Variants in ZNF493 observed in about 807,000 individuals in gnomAD.
ZNF493 encodes zinc finger protein 493.
In ZNF493, 11 loss-of-function variants were observed where a neutral mutation model predicts 12.2. The observed-to-expected ratio is 0.90, with a 90% CI of 0.57 to 1.50. The LOEUF (loss-of-function observed/expected upper bound fraction) is 1.50. Ranked by LOEUF, ZNF493 falls within the 40% of genes most tolerant of loss-of-function variation. The pLI, the probability that ZNF493 is intolerant of heterozygous loss-of-function variation, is 0.00. For missense variants in ZNF493, 950 were observed against 906.6 expected (o/e 1.05, Z -0.61); for synonymous variants, 286 against 302.6 (o/e 0.95, Z 0.57).
At chr19:21,416,921 T>G (rs1205885276) in intron 3 of ZNF493, among the ~76,000 whole-genome samples, 1 of 152,230 alleles carries the variant, frequency 6.6e-6, no homozygotes, top group Non-Finnish European at 1.5e-5. Flanking sequence ...AGACTGCTGT[T>G]GGGAACTTTA....
chr19:21,413,134 C>T, intron 3 of ZNF493: 1 of 294,258 alleles, frequency 3.4e-6, no homozygotes, highest in South Asian at 3.0e-5. Flanking sequence ...AGCACCTCTG[C>T]CTGTTCTGCA....
chr19:21,411,230 G>T (rs919982313), intron 3 of ZNF493, among the ~76,000 whole-genome samples: 1 of 152,128 alleles, frequency 6.6e-6, no homozygotes, highest in Non-Finnish European at 1.5e-5. Context: ...TGGCAACTTT[G>T]CAAAAGATCA....
Position 21,423,176 on chromosome 19 carries a change from A to G in ZNF493, c.517A>G (p.Asn173Asp), listed in dbSNP as rs11878540. 1 of 1,613,764 alleles carries G rather than the reference A, an allele frequency of 6.2e-7. No homozygotes were observed. The highest frequency in any genetic ancestry group is 1.3e-5 in the African/African-American group (1 of 75,040). ...TAAACTTTTAAATTCAAATAGACAT[A>G]ACACAAAACATACTGGAAAGAAACC... is the stretch of plus-strand genomic sequence containing the variant. The part of the protein sequence containing the change: ...FHKLLNSNRH[N>D]TKHTGKKPFK... Residue 173 changes from asparagine to aspartate, a missense_variant, in exon 4 of 4, where the codon AAC becomes GAC. Transcript: ENST00000392288.
At chr19:21,421,057 C>A (rs2030663349) in intron 3 of ZNF493, among the ~76,000 whole-genome samples, 1 of 152,032 alleles carries the variant, frequency 6.6e-6, no homozygotes, top group African/African-American at 2.4e-5. Flanking sequence ...CAACACATCA[C>A]TTTTATGTTG....
intron 1 of ZNF493, chr19:21,398,704 G>T: frequency 3.4e-6 from 1 of 290,968 alleles, no homozygotes. Flanking sequence ...TTTTGAAACG[G>T]GTAACCCTTT....
intron 3 of ZNF493, chr19:21,407,672 T>C (rs1053387375): frequency 2.1e-6 from 2 of 969,440 alleles, no homozygotes; most frequent in African/African-American, 3.5e-5. Context: ...ATGTTAATTT[T>C]ATATTTTGTT....
chr19:21,423,927 A>G lies in ZNF493; in HGVS notation c.1268A>G (p.His423Arg), dbSNP rs1358188886. 4 of 1,613,444 alleles carry G rather than the reference A, an allele frequency of 2.5e-6. No homozygotes were observed. The highest frequency in any genetic ancestry group is 3.4e-6 in the Non-Finnish European group (4 of 1,179,604). ...AYKESSHLTT[H>R]KRIHTGEKPY... ...AAGGAGTCTTCACACCTTACTACAC[A>G]TAAAAGAATTCATACTGGAGAGAAA... The change falls in exon 4 of 4, where the codon CAT (histidine) becomes CGT (arginine). Residue 423 changes from histidine (H) to arginine (R), a missense_variant. Physicochemically the swap from His to Arg is conservative, Grantham distance 29. Transcript: ENST00000392288.
chr19:21,418,265 T>C (rs2030552749), intron 3 of ZNF493, among the ~76,000 whole-genome samples: 1 of 152,200 alleles, frequency 6.6e-6, no homozygotes, highest in African/African-American at 2.4e-5. Context: ...TAGCTTTCAC[T>C]GGCAAATAAA....
intron 1 of ZNF493, chr19:21,397,976 T>A (rs76614290): frequency 6.6e-6 from 1 of 150,452 alleles, no homozygotes; most frequent in Admixed American, 6.6e-5. Flanking sequence ...CTGAGTTAGA[T>A]TTTTTTTTTA....
At chr19:21,412,494 T>G (rs1256670256) in intron 3 of ZNF493, 1 of 151,438 alleles carries the variant, frequency 6.6e-6, no homozygotes, top group African/African-American at 2.5e-5. Flanking sequence ...GGGGCCAGTT[T>G]ATGGCCAGAT....
At chr19:21,415,477 A>G (rs2030459343) in intron 3 of ZNF493, among the ~76,000 whole-genome samples, 1 of 152,144 alleles carries the variant, frequency 6.6e-6, no homozygotes, top group East Asian at 1.9e-4. Flanking sequence ...GTCATTTACT[A>G]GGGTCCCCAA....
Position 21,405,133 on chromosome 19 carries a change from C to T in ZNF493, c.35C>T (p.Pro12Leu), listed in dbSNP as rs766646721. ...GTTTGTGTGTGTTTGTTTCAGGGGC[C>T]GTTGACATTTAGGGATGTGGCCATA... The part of the protein sequence containing the change: ...PGPPESLDMG[P>L]LTFRDVAIEF... The change falls in exon 2 of 4, where the codon CCG (proline) becomes CTG (leucine). Residue 12 changes from proline (P) to leucine (L), a missense_variant. Transcript: ENST00000392288. 10 of 1,612,582 alleles carry T rather than the reference C, an allele frequency of 6.2e-6. No homozygotes were observed. The highest frequency in any genetic ancestry group is 2.7e-5 in the African/African-American group (2 of 74,662).
In ZNF493 at chr19:21,422,895, T is replaced by C; in HGVS notation, c.254-18T>C. ...GAGTCTAGTAAGTGGAGTAATTTGA[T>C]ATTTTTATTTCTTTCAGTTATATGT... On this transcript the variant is annotated intron_variant, in intron 3 of 3. Coordinates refer to ENST00000392288, the MANE Select transcript of ZNF493 (RefSeq NM_001076678.3). 2 of 1,523,542 alleles carry C rather than the reference T, an allele frequency of 1.3e-6. No homozygotes were observed. Among genetic ancestry groups the C allele is most frequent in the Non-Finnish European group, 1.8e-6 (2 of 1,140,800 alleles). 94.4% of individuals were successfully genotyped at this position (1,523,542 alleles called of 1,614,324 possible).
In ZNF493 at chr19:21,425,065, A is replaced by G; in HGVS notation, c.*81A>G. ...GCTTTTCACCAGTACTTTACCCTTA[A>G]TACACATAAGATAATTAATGCTGGA... On this transcript the variant is annotated 3_prime_UTR_variant, in exon 4 of 4. Coordinates refer to ENST00000392288, the MANE Select transcript of ZNF493 (RefSeq NM_001076678.3). 1.4e-6 allele frequency: 2 copies of G among 1,436,168 alleles called. No individual in the cohort carries two copies. Among genetic ancestry groups the G allele is most frequent in the Non-Finnish European group, 9.6e-7 (1 of 1,045,946 alleles). 89.0% of individuals were successfully genotyped at this position (1,436,168 alleles called of 1,614,324 possible). A position where few individuals can be genotyped will look rare whatever the true frequency, so the allele number is the denominator to read the frequency against.
At position 21,424,315 on chromosome 19, in the gene ZNF493, A is replaced by G. The variant is rs762174748; in HGVS notation, c.1656A>G (p.Lys552=). 6.2e-7 allele frequency: 1 copy of G among 1,613,746 alleles called. No individual in the cohort carries two copies. The highest frequency in any genetic ancestry group is 1.1e-5 in the South Asian group (1 of 91,064). Residue 552 remains lysine (K), a synonymous_variant, in exon 4 of 4, where the codon AAA becomes AAG. Transcript: ENST00000392288. ...CCTACAAATGTGAAGAATGTGGCAA[A>G]GCTTTTAATCGGTCCTCACACCTTA... The part of the protein sequence containing the change: ...EKPYKCEECG[K]AFNRSSHLTT...
intron 1 of ZNF493, among the ~76,000 whole-genome samples, chr19:21,399,918 CA>C (rs1278054517): frequency 6.6e-6 from 1 of 152,100 alleles, no homozygotes; most frequent in Non-Finnish European, 1.5e-5. Context: ...AAATTTTTGA[CA>C]GTGAATATCT....
chr19:21,418,944 G>C (rs1482492740), intron 3 of ZNF493, among the ~76,000 whole-genome samples: 1 of 152,182 alleles, frequency 6.6e-6, no homozygotes, highest in Admixed American at 6.5e-5. Context: ...ACATGTTACA[G>C]TGCTGCAGAG....
In ZNF493 at chr19:21,413,292, A is replaced by G. The variant is rs1340735263; in HGVS notation, c.253+7436A>G. 4 of 399,668 alleles carry G rather than the reference A, an allele frequency of 1.0e-5. No individual in the cohort carries two copies. In the South Asian group the frequency reaches 2.2e-4, roughly 22 times the overall value. The allele number at this position is 399,668 out of a possible 1,614,324, so 24.8% of individuals were successfully genotyped here. ...ATAAGAAAGCATGTGTAACTGTGTC[A>G]TAGAGTGATTACATCCAGGCATTAT... On this transcript the variant is annotated intron_variant, in intron 3 of 3. Coordinates refer to ENST00000392288, the MANE Select transcript of ZNF493 (RefSeq NM_001076678.3).
intron 3 of ZNF493, chr19:21,413,398 A>G (rs1457165049): frequency 2.7e-5 from 11 of 407,820 alleles, no homozygotes; most frequent in East Asian, 1.8e-4. Context: ...ACTCATGGCA[A>G]TGGTGATAAC....
Sources: gnomAD v4.1 joint callset for allele counts (sites outside exome capture counted in the v4.1 genomes callset) on GRCh38, gnomAD v4.1.1 for gene constraint, MANE v1.5 for transcripts, NCBI Gene and HGNC (gene_info 2026-07-23, HGNC 2026-07-21) for gene names.